Variants in JMY observed in about 807,000 individuals in gnomAD.
JMY encodes the protein junction mediating and regulatory protein, p53 cofactor.
Under a neutral mutation model 103.3 loss-of-function variants are expected in JMY, and 46 were observed. That is an observed-to-expected ratio of 0.45 (90% CI 0.35 to 0.57). The LOEUF (loss-of-function observed/expected upper bound fraction) is 0.57, where lower values mean the gene tolerates loss of function less well. JMY is among the 20% of genes least tolerant of loss of function. The pLI, the probability that JMY is intolerant of heterozygous loss-of-function variation, is 0.00. For synonymous variants in JMY, 526 were observed against 489.3 expected (o/e 1.07, Z -0.99); for missense variants, 1,238 against 1,255.2 (o/e 0.99, Z 0.21).
At chr5:79,308,346 T>C (rs546498141) in intron 7 of JMY, among the ~76,000 whole-genome samples, 46 of 152,306 alleles carry the variant, frequency 3.0e-4, no homozygotes, top group Admixed American at 1.2e-3. Flanking sequence ...TTTTATAGTT[T>C]TGTGTTTTAT....
chr5:79,296,284 A>G (rs1746559459), intron 4 of JMY, among the ~76,000 whole-genome samples: 1 of 152,236 alleles, frequency 6.6e-6, no homozygotes, highest in Non-Finnish European at 1.5e-5. Context: ...TCCATTTTCC[A>G]GGATTTCTGA....
At chr5:79,275,323 G>A (rs573528559) in intron 1 of JMY, among the ~76,000 whole-genome samples, 1 of 152,138 alleles carries the variant, frequency 6.6e-6, no homozygotes, top group African/African-American at 2.4e-5. Context: ...ACCACGCCTG[G>A]CTAATTTTTT....
At position 79,259,115 on chromosome 5, in the gene JMY, G is replaced by A. The variant is rs148034097; in HGVS notation, c.1033-18795G>A. Reference sequence around the variant, plus strand: ...GAGAGGGTAGCTCCTCTCTGAAGCTGGTTGTCCCATCATTTCTTCAGCTCT... The same window carrying A: ...GAGAGGGTAGCTCCTCTCTGAAGCTAGTTGTCCCATCATTTCTTCAGCTCT... On this transcript the variant is annotated intron_variant, in intron 1 of 10. Coordinates refer to ENST00000396137, the MANE Select transcript of JMY (RefSeq NM_152405.5). Among the ~76,000 whole-genome samples, 5 of 152,250 alleles carry A rather than the reference G, an allele frequency of 3.3e-5. No individual in the cohort carries two copies. The East Asian group carries it at 9.7e-4, about 29-fold the overall frequency.
intron 6 of JMY, among the ~76,000 whole-genome samples, chr5:79,304,067 T>C (rs1196254732): frequency 1.3e-5 from 2 of 152,142 alleles, no homozygotes; most frequent in African/African-American, 2.4e-5. Context: ...TGTTAGCTCA[T>C]AGCAATTTAA....
chr5:79,247,762 C>T (rs1744949130), intron 1 of JMY, among the ~76,000 whole-genome samples: 3 of 151,772 alleles, frequency 2.0e-5, no homozygotes, highest in South Asian at 4.2e-4. Flanking sequence ...AAGCAATTCT[C>T]CTGCCTCAGC....
At chr5:79,290,014 TGA>T (rs1746376000) in intron 2 of JMY, 105 bp from the exon 3 acceptor site, 1 of 743,136 alleles carries the variant, frequency 1.3e-6, no homozygotes, top group African/African-American at 1.8e-5. Context: ...CTTATCCTCT[TGA>T]GCAGGGAAGA....
At chr5:79,257,356 A>G (rs766639938) in intron 1 of JMY, among the ~76,000 whole-genome samples, 9 of 152,262 alleles carry the variant, frequency 5.9e-5, no homozygotes, top group Non-Finnish European at 1.3e-4. Flanking sequence ...TAATCCTAGT[A>G]CTTTGGGAGG....
intron 1 of JMY, among the ~76,000 whole-genome samples, chr5:79,245,426 A>C (rs762382355): frequency 9.9e-5 from 15 of 152,152 alleles, no homozygotes; most frequent in Non-Finnish European, 1.5e-4. Flanking sequence ...TCATGGAAAA[A>C]AAAAAATTAA....
chr5:79,311,257 A>G (rs535702020), intron 7 of JMY, among the ~76,000 whole-genome samples: 1 of 150,538 alleles, frequency 6.6e-6, no homozygotes, highest in South Asian at 2.1e-4. Context: ...AAGTGCAGGG[A>G]TTATAGGCAT....
intron 1 of JMY, among the ~76,000 whole-genome samples, chr5:79,240,215 C>G (rs1053768584): frequency 6.6e-6 from 1 of 151,966 alleles, no homozygotes; most frequent in East Asian, 1.9e-4. Context: ...GGGGTTTTAC[C>G]ATGTTGGCCA....
At chr5:79,250,401 T>TA (rs1487152429) in intron 1 of JMY, among the ~76,000 whole-genome samples, 14 of 152,304 alleles carry the variant, frequency 9.2e-5, no homozygotes, top group African/African-American at 3.1e-4. Context: ...GATTCTAGTA[T>TA]TTTTTCTTGT....
In JMY at chr5:79,237,420, C is replaced by T. The variant is rs1267115471; in HGVS notation, c.770C>T (p.Pro257Leu). The change falls in exon 1 of 11, where the codon CCG becomes CTG. Residue 257 changes from proline (P) to leucine (L), a missense_variant. Physicochemically the swap from Pro to Leu is moderately conservative, Grantham distance 98 (BLOSUM62 -3). Transcript: ENST00000396137. Reference protein sequence around the residue: ...SVNSQLEPCLPVFPEEPSGMW... With the variant: ...SVNSQLEPCLLVFPEEPSGMW... ...AACTCGCAGTTGGAGCCGTGCCTGC[C>T]GGTGTTCCCCGAGGAACCTTCGGGC... The T allele has an allele frequency of 6.2e-7, 1 of 1,613,748 alleles. No homozygotes were observed. Among genetic ancestry groups the T allele is most frequent in the Non-Finnish European group, 8.5e-7 (1 of 1,180,018 alleles).
intron 10 of JMY, among the ~76,000 whole-genome samples, chr5:79,319,529 C>T (rs1580378220): frequency 6.6e-6 from 1 of 151,228 alleles, no homozygotes; most frequent in African/African-American, 2.4e-5. Flanking sequence ...AAGGCTTTAC[C>T]GCAATTTGTA....
intron 1 of JMY, among the ~76,000 whole-genome samples, chr5:79,272,781 G>A (rs1417476945): frequency 6.6e-6 from 1 of 152,120 alleles, no homozygotes; most frequent in East Asian, 1.9e-4. Flanking sequence ...TTGCAGGTGT[G>A]TGCTGCCATG....
At chr5:79,284,151 G>T (rs1746201091) in intron 2 of JMY, 11 of 1,559,332 alleles carry the variant, frequency 7.1e-6, no homozygotes, top group Non-Finnish European at 9.5e-6. Context: ...TTCTTGGACT[G>T]GTGGTTCAAA....
chr5:79,283,184 GT>G (rs1746172981), intron 2 of JMY, among the ~76,000 whole-genome samples: 1 of 151,742 alleles, frequency 6.6e-6, no homozygotes, highest in Non-Finnish European at 1.5e-5. Flanking sequence ...GTAGAGGGGG[GT>G]TTCCTCCATG....
In JMY at chr5:79,326,300, G is replaced by A. The variant is rs1747643474; in HGVS notation, c.*4698G>A. The A allele has an allele frequency of 6.6e-6, 1 of 151,310 alleles. No individual in the cohort carries two copies. The allele number at this position is 151,310 out of a possible 1,614,324, so 9.4% of individuals were successfully genotyped here. On this transcript the variant is annotated 3_prime_UTR_variant, in exon 11 of 11. Coordinates refer to ENST00000396137, the MANE Select transcript of JMY (RefSeq NM_152405.5). ...TGTGTAGATGAAAACACAAGGTATG[G>A]ATGTTGGTTACAGAGTTCAGTTTTA...
At chr5:79,244,942 A>G (rs1744846896) in intron 1 of JMY, among the ~76,000 whole-genome samples, 1 of 151,950 alleles carries the variant, frequency 6.6e-6, no homozygotes, top group Non-Finnish European at 1.5e-5. Context: ...AAGTTATTAA[A>G]CTGCATAGGG....
chr5:79,249,336 T>C (rs1446729239), intron 1 of JMY, among the ~76,000 whole-genome samples: 1 of 152,224 alleles, frequency 6.6e-6, no homozygotes, highest in Non-Finnish European at 1.5e-5. Flanking sequence ...GAATTAATTT[T>C]AGAGTAGCAG....
Sources: gnomAD v4.1 joint callset for allele counts (sites outside exome capture counted in the v4.1 genomes callset) on GRCh38, gnomAD v4.1.1 for gene constraint, MANE v1.5 for transcripts, NCBI Gene and HGNC (gene_info 2026-07-23, HGNC 2026-07-21) for gene names.